HECW2: variants seen among roughly 807,000 people sequenced by gnomAD.
The protein encoded by HECW2 is E3 ubiquitin-protein ligase HECW2.
In HECW2, 61 loss-of-function variants were observed where a neutral mutation model predicts 175.2. The ratio of observed to expected loss-of-function variants is 0.35; its 90% CI spans 0.28 to 0.43. HECW2 has a LOEUF of 0.43. Ranked by LOEUF, HECW2 falls within the 20% of genes least tolerant of loss-of-function variation. The pLI, the probability that HECW2 is intolerant of heterozygous loss-of-function variation, is 1.00. For synonymous variants in HECW2, 671 were observed against 731.0 expected, an observed-to-expected ratio of 0.92 and a Z score of 1.32; for missense variants, 1,524 against 2,000.5, an observed-to-expected ratio of 0.76 and a Z score of 4.54.
chr2:196,528,307 C>T (rs1220019703), intron 1 of HECW2, among the ~76,000 whole-genome samples: 1 of 152,014 alleles, frequency 6.6e-6, no homozygotes, highest in Non-Finnish European at 1.5e-5. Context: ...AACATTGGTA[C>T]CTATATTATT....
chr2:196,240,839 G>GA (rs3841588), intron 20 of HECW2, among the ~76,000 whole-genome samples: 91,102 of 151,330 alleles, frequency 0.6, 27,930 homozygotes, highest in Non-Finnish European at 0.66. Flanking sequence ...GTTTATCCCA[G>GA]AAAAAAAATG....
At chr2:196,491,376 A>ACG (rs1687182932) in intron 1 of HECW2, among the ~76,000 whole-genome samples, 1 of 126,342 alleles carries the variant, frequency 7.9e-6, no homozygotes, top group African/African-American at 3.4e-5. Flanking sequence ...ATATACACAC[A>ACG]CACACACACA....
At chr2:196,328,759 T>G (rs1259567726) in intron 5 of HECW2, among the ~76,000 whole-genome samples, 1 of 152,224 alleles carries the variant, frequency 6.6e-6, no homozygotes, top group East Asian at 1.9e-4. Context: ...TAGTTATCTG[T>G]TTTAAAAGTC....
intron 1 of HECW2, among the ~76,000 whole-genome samples, chr2:196,593,290 G>GGTCCTGCGCCTCCGGGA (rs1219611241): frequency 6.6e-6 from 1 of 151,232 alleles, no homozygotes; most frequent in East Asian, 2.0e-4. Context: ...GGGCGCCGGG[G>GGTCCTGCGCCTCCGGGA]GTCCTGCGCC....
intron 1 of HECW2, among the ~76,000 whole-genome samples, chr2:196,551,618 A>T (rs1415789470): frequency 6.6e-6 from 1 of 152,202 alleles, no homozygotes; most frequent in Non-Finnish European, 1.5e-5. Flanking sequence ...TTCCCTGCGC[A>T]TACTATATAA....
At chr2:196,504,323 A>C (rs1428632282) in intron 1 of HECW2, among the ~76,000 whole-genome samples, 1 of 143,426 alleles carries the variant, frequency 7.0e-6, no homozygotes, top group Non-Finnish European at 1.5e-5. Context: ...AAGCTGGTGG[A>C]GGCCATGCAA....
At chr2:196,590,957 T>G (rs1292584330) in intron 1 of HECW2, among the ~76,000 whole-genome samples, 1 of 152,228 alleles carries the variant, frequency 6.6e-6, no homozygotes, top group East Asian at 1.9e-4. Flanking sequence ...TTTAGTCCTG[T>G]GGCTGGCAAA....
At chr2:196,477,193 TAAAAG>T (rs1686665627) in intron 1 of HECW2, among the ~76,000 whole-genome samples, 1 of 151,612 alleles carries the variant, frequency 6.6e-6, no homozygotes, top group African/African-American at 2.4e-5. Flanking sequence ...CTCAACTTAT[TAAAAG>T]AAAAAGCTAA....
At chr2:196,469,100 C>A (rs939643140) in intron 1 of HECW2, among the ~76,000 whole-genome samples, 6 of 121,318 alleles carry the variant, frequency 4.9e-5, no homozygotes, top group Middle Eastern at 3.6e-3. Flanking sequence ...GGTCACTGAA[C>A]CTGTGTGTGT....
intron 21 of HECW2, among the ~76,000 whole-genome samples, chr2:196,233,409 A>G: frequency 6.6e-6 from 1 of 152,198 alleles, no homozygotes. Context: ...AACAAATTTT[A>G]TTCTCCCATT....
rs1686781601 is a variant in HECW2, at chr2:196,199,243, T to G, written c.*2034A>C. The stretch of plus-strand genomic sequence containing the variant: ...TTATAATGAAAAGAATACAAACAAG[T>G]GAAAAGTTTGCAAAATTAAATATAT... On this transcript the variant is annotated 3_prime_UTR_variant, in exon 29 of 29. Coordinates refer to ENST00000644978, the MANE Select transcript of HECW2 (RefSeq NM_001348768.2). The G allele has an allele frequency of 6.6e-6, 1 of 152,578 alleles. No homozygotes were observed. The highest frequency in any genetic ancestry group is 1.5e-5 in the Non-Finnish European group (1 of 68,018). 9.5% of individuals were successfully genotyped at this position (152,578 alleles called of 1,614,324 possible). A position where few individuals can be genotyped will look rare whatever the true frequency, so the allele number is the denominator to read the frequency against.
chr2:196,322,170 C>T (rs1257447776), intron 7 of HECW2, among the ~76,000 whole-genome samples: 8 of 152,048 alleles, frequency 5.3e-5, no homozygotes. Flanking sequence ...AAGAATTCTG[C>T]CCCAGGGAGA....
At chr2:196,296,113 C>A (rs1690803026) in intron 13 of HECW2, among the ~76,000 whole-genome samples, 1 of 151,682 alleles carries the variant, frequency 6.6e-6, no homozygotes, top group Non-Finnish European at 1.5e-5. Flanking sequence ...TATGTTTATG[C>A]AAAAACTGTG....
intron 4 of HECW2, 46 bp downstream of exon 4, chr2:196,334,378 A>G (rs777360826): frequency 1.4e-6 from 2 of 1,415,642 alleles, no homozygotes; most frequent in Non-Finnish European, 2.0e-6. Flanking sequence ...AGAAATCAAG[A>G]CCCAGCATGG....
At chr2:196,426,506 A>AT (rs376864656) in intron 2 of HECW2, among the ~76,000 whole-genome samples, 44 of 147,372 alleles carry the variant, frequency 3.0e-4, no homozygotes, top group African/African-American at 5.2e-4. Flanking sequence ...AGTGATGTTG[A>AT]TTTTTTTTTT....
chr2:196,319,018 ACT>A lies in HECW2; in HGVS notation c.1870_1871del (p.Ser624CysfsTer9). 6.2e-7 allele frequency: 1 copy of A among 1,613,494 alleles called. No individual in the cohort carries two copies. Among genetic ancestry groups the A allele is most frequent in the Non-Finnish European group, 8.5e-7 (1 of 1,179,864 alleles). On this transcript the variant is annotated frameshift_variant, in exon 9 of 29. Coordinates refer to ENST00000644978, the MANE Select transcript of HECW2 (RefSeq NM_001348768.2). LOFTEE classifies it high-confidence loss of function. ...TEPSDPARTE[S>X]VSEASTRPEG... ...CAGGCCTGGTGCTGGCTTCGCTCAC[ACT>A]CTCTGTCCTGGCAGGATCACTGGGT...
intron 1 of HECW2, among the ~76,000 whole-genome samples, chr2:196,571,761 AC>A (rs1176159088): frequency 6.6e-6 from 1 of 152,184 alleles, no homozygotes; most frequent in Admixed American, 6.5e-5. Context: ...ATGCTTCCAT[AC>A]AAAGCAAAAA....
chr2:196,376,500 G>A (rs1361127499), intron 2 of HECW2, among the ~76,000 whole-genome samples: 3 of 151,744 alleles, frequency 2.0e-5, no homozygotes, highest in African/African-American at 2.4e-5. Flanking sequence ...GCAGTGGTGC[G>A]CACCTGTAAT....
rs1044789137 is a variant in HECW2 at position 196,197,989 on chromosome 2, G to A, written c.*3288C>T. On this transcript the variant is annotated 3_prime_UTR_variant, in exon 29 of 29. Coordinates refer to ENST00000644978, the MANE Select transcript of HECW2 (RefSeq NM_001348768.2). Reference sequence around the variant, plus strand: ...GCAGAATTTCTGCTAAATTATAAACGCAATATATGCTAGAAAATTGTGACC... The same window carrying A: ...GCAGAATTTCTGCTAAATTATAAACACAATATATGCTAGAAAATTGTGACC... 6.6e-6 allele frequency: 1 copy of A among 152,086 alleles called. No homozygotes were observed. The highest frequency in any genetic ancestry group is 6.5e-5 in the Admixed American group (1 of 15,268). 9.4% of individuals were successfully genotyped at this position (152,086 alleles called of 1,614,324 possible).
Sources: gnomAD v4.1 joint callset for allele counts (sites outside exome capture counted in the v4.1 genomes callset) on GRCh38, gnomAD v4.1.1 for gene constraint, MANE v1.5 for transcripts, NCBI Gene and HGNC (gene_info 2026-07-23, HGNC 2026-07-21) for gene names.